FLI1: variants seen among roughly 807,000 people sequenced by gnomAD.
FLI1 encodes Friend leukemia integration 1 transcription factor.
FLI1 carries 13 observed loss-of-function variants against 53.1 expected under a neutral mutation model. That is an observed-to-expected ratio of 0.24 (90% CI 0.16 to 0.39). The LOEUF (loss-of-function observed/expected upper bound fraction) is 0.39, where lower values mean the gene tolerates loss of function less well. Ranked by LOEUF, FLI1 falls within the 10% of genes least tolerant of loss-of-function variation. The pLI, the probability that FLI1 is intolerant of heterozygous loss-of-function variation, is 1.00. For synonymous variants in FLI1, 244 were observed against 236.7 expected (o/e 1.03, Z -0.28); for missense variants, 424 against 600.5 (o/e 0.71, Z 3.07).
chr11:128,772,726 C>T, intron 3 of FLI1, 56 bp from the exon 4 acceptor site: 3 of 1,466,334 alleles, frequency 2.0e-6, no homozygotes, highest in Non-Finnish European at 2.9e-6. Flanking sequence ...TGCCTAGGCT[C>T]TCAGGGAGCC....
chr11:128,749,326 C>T (rs1261824836), intron 1 of FLI1, among the ~76,000 whole-genome samples: 1 of 152,198 alleles, frequency 6.6e-6, no homozygotes, highest in East Asian at 1.9e-4. Context: ...AATTATTAGG[C>T]TCATGAGTTT....
intron 1 of FLI1, among the ~76,000 whole-genome samples, chr11:128,743,344 G>T (rs564300977): frequency 6.6e-6 from 1 of 151,370 alleles, no homozygotes; most frequent in South Asian, 2.1e-4. Context: ...GTTTGAGGCT[G>T]CAGTGAGCCG....
intron 5 of FLI1, among the ~76,000 whole-genome samples, chr11:128,785,069 G>T (rs1942042767): frequency 1.3e-5 from 2 of 152,216 alleles, no homozygotes; most frequent in Admixed American, 6.5e-5. Flanking sequence ...ATCTCTAGGG[G>T]TTATTTGTGC....
chr11:128,715,743 C>G (rs1250840807), intron 1 of FLI1, among the ~76,000 whole-genome samples: 1 of 152,096 alleles, frequency 6.6e-6, no homozygotes, highest in African/African-American at 2.4e-5. Flanking sequence ...GCTTTGAATT[C>G]AAGGCAGAGG....
chr11:128,765,904 T>C (rs1941322632), intron 2 of FLI1, among the ~76,000 whole-genome samples: 1 of 152,166 alleles, frequency 6.6e-6, no homozygotes, highest in Admixed American at 6.5e-5. Context: ...TGTTGAAATG[T>C]GTGCTTCCAT....
intron 3 of FLI1, 78 bp downstream of exon 3, chr11:128,768,350 T>G (rs1442072837): frequency 3.2e-6 from 5 of 1,547,114 alleles, no homozygotes; most frequent in South Asian, 1.1e-5. Flanking sequence ...TAAACCTTTA[T>G]CTGATACTCT....
chr11:128,694,331 G>A (rs1352872637), intron 1 of FLI1, 55 bp downstream of exon 1: 1 of 1,284,686 alleles, frequency 7.8e-7, no homozygotes, highest in Non-Finnish European at 1.0e-6. Context: ...GAGGCGAAGC[G>A]GCGGGCGGGT....
intron 1 of FLI1, among the ~76,000 whole-genome samples, chr11:128,737,579 A>C (rs1418353229): frequency 6.6e-6 from 1 of 152,224 alleles, no homozygotes; most frequent in African/African-American, 2.4e-5. Context: ...AATGAAATAA[A>C]TGATGCATGA....
At chr11:128,789,042 T>C (rs1238579195) in intron 5 of FLI1, among the ~76,000 whole-genome samples, 1 of 152,190 alleles carries the variant, frequency 6.6e-6, no homozygotes. Context: ...ATGTCCTTTA[T>C]GATTTTAGAG....
At chr11:128,769,481 A>T (rs1260329371) in intron 3 of FLI1, among the ~76,000 whole-genome samples, 1 of 152,152 alleles carries the variant, frequency 6.6e-6, no homozygotes, top group Non-Finnish European at 1.5e-5. Flanking sequence ...CAGAAATGTT[A>T]AGGGCTGCCT....
upstream of FLI1, chr11:128,693,726 T>TGGGCGTGGACCCC (rs1461204237): frequency 3.9e-5 from 9 of 233,224 alleles, no homozygotes; most frequent in Non-Finnish European, 6.8e-5. Context: ...GCGCGGACGC[T>TGGGCGTGGACCCC]GGGCGTGGAC....
At chr11:128,807,047 C>A in intron 6 of FLI1, 133 bp from the exon 7 acceptor site, 1 of 460,664 alleles carries the variant, frequency 2.2e-6, no homozygotes, top group South Asian at 5.2e-5. Context: ...GTAAATGTTT[C>A]TAAAATAAGA....
At position 128,810,830 on chromosome 11, in the gene FLI1, G is replaced by A. The variant is rs1308334230; in HGVS notation, c.1201G>A (p.Val401Ile). Residue 401 changes from valine to isoleucine, a missense_variant, in exon 9 of 9, where the codon GTC (valine) becomes ATC (isoleucine). Physicochemically the swap from Val to Ile is conservative, Grantham distance 29 (BLOSUM62 3). Transcript: ENST00000527786. The surrounding 1 kb of genome is among the most constrained non-coding windows in gnomAD (Gnocchi z 6.6). ...TGCCCACCAGCAGAAGGTGAACTTTGTCCCTCCCCATCCATCCTCCATGCC... is the reference window on the plus strand; with the variant it reads ...TGCCCACCAGCAGAAGGTGAACTTTATCCCTCCCCATCCATCCTCCATGCC... ...YHAHQQKVNF[V>I]PPHPSSMPVT... is the part of the protein sequence containing the mutation. The A allele has an allele frequency of 3.7e-6, 6 of 1,613,980 alleles. No individual in the cohort carries two copies. The Admixed American group carries it at 6.7e-5, about 18-fold the overall frequency.
At chr11:128,744,234 T>C (rs746422998) in intron 1 of FLI1, among the ~76,000 whole-genome samples, 1 of 152,190 alleles carries the variant, frequency 6.6e-6, no homozygotes, top group Non-Finnish European at 1.5e-5. Flanking sequence ...GATAAGCATT[T>C]CCTGGAACAA....
rs1565513966 is a variant in FLI1 at position 128,811,574 on chromosome 11, C to CGGA, written c.*586_*587insGGA. ...AGACGCCAAGGGCATTGCAGAATCC[C>CGGA]TCTCAGTGGACAGTATGCACTCAGC... On this transcript the variant is annotated 3_prime_UTR_variant, in exon 9 of 9. Coordinates refer to ENST00000527786, the MANE Select transcript of FLI1 (RefSeq NM_002017.5). The CGGA allele has an allele frequency of 4.5e-6, 1 of 223,012 alleles. No individual in the cohort carries two copies. Among genetic ancestry groups the CGGA allele is most frequent in the East Asian group, 6.7e-5 (1 of 14,952 alleles). 13.8% of individuals were successfully genotyped at this position (223,012 alleles called of 1,614,324 possible). A position where few individuals can be genotyped will look rare whatever the true frequency, so the allele number is the denominator to read the frequency against.
chr11:128,710,056 C>T (rs1186758928), intron 1 of FLI1, among the ~76,000 whole-genome samples: 1 of 152,198 alleles, frequency 6.6e-6, no homozygotes, highest in African/African-American at 2.4e-5. Flanking sequence ...GATGGAGGCC[C>T]TTCTTTCACT....
intron 2 of FLI1, among the ~76,000 whole-genome samples, chr11:128,766,303 C>T (rs924193420): frequency 2.0e-4 from 31 of 152,204 alleles, no homozygotes; most frequent in African/African-American, 7.5e-4. Context: ...CCTCCCCTCC[C>T]CTGCCATGGG....
chr11:128,745,212 A>C (rs776776426), intron 1 of FLI1, among the ~76,000 whole-genome samples: 5 of 152,148 alleles, frequency 3.3e-5, no homozygotes, highest in Non-Finnish European at 7.4e-5. Flanking sequence ...TGAGCAAGAA[A>C]GAGAAGGCAT....
chr11:128,711,408 A>T (rs1938778699), intron 1 of FLI1, among the ~76,000 whole-genome samples: 1 of 152,252 alleles, frequency 6.6e-6, no homozygotes, highest in Non-Finnish European at 1.5e-5. Context: ...AATGTTCAGC[A>T]TTATCATGTT....
Sources: gnomAD v4.1 joint callset for allele counts (sites outside exome capture counted in the v4.1 genomes callset) on GRCh38, gnomAD v4.1.1 for gene constraint, Gnocchi (gnomAD v3.1) non-coding constraint, MANE v1.5 for transcripts, NCBI Gene and HGNC (gene_info 2026-07-23, HGNC 2026-07-21) for gene names.